The following ZKSCAN1 variants were observed in gnomAD, a reference collection of about 807,000 sequenced individuals.
ZKSCAN1 encodes the protein zinc finger with KRAB and SCAN domains 1.
ZKSCAN1 carries 14 observed loss-of-function variants against 51.6 expected under a neutral mutation model. That is an observed-to-expected ratio of 0.27 (90% CI 0.18 to 0.42). ZKSCAN1 has a LOEUF of 0.42. Ranked by LOEUF, ZKSCAN1 falls within the 10% of genes least tolerant of loss-of-function variation. The probability of loss-of-function intolerance (pLI) is 1.00; values close to 1 mark genes in which losing one functional copy is unlikely to be tolerated. For missense variants in ZKSCAN1, 531 were observed against 710.0 expected, an observed-to-expected ratio of 0.75 and a Z score of 2.86; for synonymous variants, 263 against 261.5, an observed-to-expected ratio of 1.01 and a Z score of -0.06.
In ZKSCAN1 at chr7:100,039,523, A is replaced by T; in HGVS notation, c.*5326A>T. On this transcript the variant is annotated 3_prime_UTR_variant, in exon 6 of 6. Transcript: ENST00000324306. ...CTTCCCCTGGTTTGTGATTATTAGG[A>T]GAGAGGTTTTGCAAAGACTCGTTGC... is the stretch of plus-strand genomic sequence containing the variant. The T allele has an allele frequency of 1.0e-6, 1 of 985,244 alleles. No homozygotes were observed. The highest frequency in any genetic ancestry group is 1.2e-6 in the Non-Finnish European group (1 of 829,878). The allele number at this position is 985,244 out of a possible 1,614,324, so 61.0% of individuals were successfully genotyped here. A position where few individuals can be genotyped will look rare whatever the true frequency, so the allele number is the denominator to read the frequency against.
intron 3 of ZKSCAN1, 63 bp downstream of exon 3, chr7:100,024,370 T>C (rs759167086): frequency 1.3e-6 from 2 of 1,565,440 alleles, no homozygotes; most frequent in East Asian, 4.5e-5. Flanking sequence ...TTTGTGCTGC[T>C]GAGTGCCTGT....
Position 100,033,626 on chromosome 7 carries a change from C to G in ZKSCAN1, c.1121C>G (p.Thr374Arg), listed in dbSNP as rs750265726. Reference sequence around the variant, plus strand: ...ACCCCTGAAGAAGTTCCCACGGGAACAAAGTCTCACAGATGTGATGAATGT... The same window carrying G: ...ACCCCTGAAGAAGTTCCCACGGGAAGAAAGTCTCACAGATGTGATGAATGT... The part of the protein sequence containing the change: ...FTTPEEVPTG[T>R]KSHRCDECGK... Residue 374 changes from threonine (T) to arginine (R), a missense_variant, in exon 6 of 6, where the codon ACA (threonine) becomes AGA (arginine). Thr to Arg is a moderately conservative substitution (Grantham distance 71). Coordinates refer to ENST00000324306, the MANE Select transcript of ZKSCAN1 (RefSeq NM_003439.4). The surrounding 1 kb of genome is among the most constrained non-coding windows in gnomAD (Gnocchi z 4.1). 2 of 1,614,214 alleles carry G rather than the reference C, an allele frequency of 1.2e-6. No homozygotes were observed. The highest frequency in any genetic ancestry group is 3.3e-5 in the Admixed American group (2 of 60,016).
Position 100,038,345 on chromosome 7 carries a change from GTTCACAGAA to G in ZKSCAN1, c.*4149_*4157del. 1.0e-5 allele frequency: 10 copies of G among 985,472 alleles called. No homozygotes were observed. The highest frequency in any genetic ancestry group is 1.2e-5 in the Non-Finnish European group (10 of 829,932). 61.0% of individuals were successfully genotyped at this position (985,472 alleles called of 1,614,324 possible). ...CAGTGTGATTGTAGACAAAAAGTCG[GTTCACAGAA>G]CGGAGCAGCGGGGAGAGGAAGGGAA... On this transcript the variant is annotated 3_prime_UTR_variant, in exon 6 of 6. Coordinates refer to ENST00000324306, the MANE Select transcript of ZKSCAN1 (RefSeq NM_003439.4).
At position 100,036,950 on chromosome 7, in the gene ZKSCAN1, A is replaced by G. The variant is rs2115965951; in HGVS notation, c.*2753A>G. 1 of 985,150 alleles carries G rather than the reference A, an allele frequency of 1.0e-6. No individual in the cohort carries two copies. Among genetic ancestry groups the G allele is most frequent in the Non-Finnish European group, 1.2e-6 (1 of 829,908 alleles). The allele number at this position is 985,150 out of a possible 1,614,324, so 61.0% of individuals were successfully genotyped here. Reference sequence around the variant, plus strand: ...GTGCCCTCACATTTAATTCCGTTTCATGGAGACATCTTCCTGACTTTGTTG... The same window carrying G: ...GTGCCCTCACATTTAATTCCGTTTCGTGGAGACATCTTCCTGACTTTGTTG... On this transcript the variant is annotated 3_prime_UTR_variant, in exon 6 of 6. Transcript: ENST00000324306.
In ZKSCAN1 at chr7:100,033,308, G is replaced by A. The variant is rs188879459; in HGVS notation, c.803G>A (p.Gly268Asp). 1 of 1,596,438 alleles carries A rather than the reference G, an allele frequency of 6.3e-7. No homozygotes were observed. ...AATTTTCTATTTATTATGTCAGGTG[G>A]TGAAAACAGGAATGAGAACGAGGAG... Reference protein sequence around the residue: ...ENYGSAFPQGGENRNENEEST... With the variant: ...ENYGSAFPQGDENRNENEEST... The change falls in exon 6 of 6, where the codon GGT becomes GAT. Residue 268 changes from glycine to aspartate, a missense_variant. Coordinates refer to ENST00000324306, the MANE Select transcript of ZKSCAN1 (RefSeq NM_003439.4). The surrounding 1 kb of genome is among the most constrained non-coding windows in gnomAD (Gnocchi z 4.1).
At chr7:100,024,074 A>T in intron 2 of ZKSCAN1, 80 bp from the exon 3 acceptor site, 1 of 1,538,030 alleles carries the variant, frequency 6.5e-7, no homozygotes, top group South Asian at 1.3e-5. Context: ...ATCCACTGGC[A>T]TACTCATGGT....
Position 100,037,610 on chromosome 7 carries a change from G to C in ZKSCAN1, c.*3413G>C. The C allele has an allele frequency of 1.0e-6, 1 of 985,440 alleles. No homozygotes were observed. Among genetic ancestry groups the C allele is most frequent in the Non-Finnish European group, 1.2e-6 (1 of 829,938 alleles). The allele number at this position is 985,440 out of a possible 1,614,324, so 61.0% of individuals were successfully genotyped here. ...GAAAGCTTATACTGTAAATAAACTT[G>C]ATGAATATTATATGTGAGGAAAACT... On this transcript the variant is annotated 3_prime_UTR_variant, in exon 6 of 6. Coordinates refer to ENST00000324306, the MANE Select transcript of ZKSCAN1 (RefSeq NM_003439.4).
At chr7:100,031,489 G>A (rs1791105046) in intron 5 of ZKSCAN1, among the ~76,000 whole-genome samples, 2 of 151,952 alleles carry the variant, frequency 1.3e-5, no homozygotes, top group South Asian at 4.2e-4. Context: ...TGTTGCCTAG[G>A]CTGGTCTCAA....
Position 100,036,923 on chromosome 7 carries a change from C to G in ZKSCAN1, c.*2726C>G. The G allele has an allele frequency of 1.0e-6, 1 of 985,070 alleles. No individual in the cohort carries two copies. The highest frequency in any genetic ancestry group is 1.7e-5 in the African/African-American group (1 of 57,238). The allele number at this position is 985,070 out of a possible 1,614,324, so 61.0% of individuals were successfully genotyped here. ...TTTTTAAATGAAGGTTAAATGTGAC[C>G]TGTGCCCTCACATTTAATTCCGTTT... On this transcript the variant is annotated 3_prime_UTR_variant, in exon 6 of 6. Coordinates refer to ENST00000324306, the MANE Select transcript of ZKSCAN1 (RefSeq NM_003439.4).
rs1409972872 is a variant in ZKSCAN1, at chr7:100,034,416, G to A, written c.*219G>A. On this transcript the variant is annotated 3_prime_UTR_variant, in exon 6 of 6. Coordinates refer to ENST00000324306, the MANE Select transcript of ZKSCAN1 (RefSeq NM_003439.4). ...CCCTGCAGGGAAAGGCTAATCTTAC[G>A]GATAATCCACGTGAGATTTCCACAC... 1.0e-5 allele frequency: 13 copies of A among 1,282,816 alleles called. No individual in the cohort carries two copies. Among genetic ancestry groups the A allele is most frequent in the South Asian group, 2.9e-5 (1 of 34,584 alleles). 79.5% of individuals were successfully genotyped at this position (1,282,816 alleles called of 1,614,324 possible).
chr7:100,028,447 A>C (rs771122989), intron 3 of ZKSCAN1, among the ~76,000 whole-genome samples: 1 of 152,168 alleles, frequency 6.6e-6, no homozygotes, highest in Non-Finnish European at 1.5e-5. Flanking sequence ...CTGGGAGGTC[A>C]AGGCTGCAGT....
chr7:100,036,986 A>G lies in ZKSCAN1; in HGVS notation c.*2789A>G. ...TTCCTGACTTTGTTGGATAGCTGCC[A>G]CTAGGGTTGCTTCGATCTTCAGCCA... On this transcript the variant is annotated 3_prime_UTR_variant, in exon 6 of 6. Transcript: ENST00000324306. The G allele has an allele frequency of 1.0e-6, 1 of 985,404 alleles. No homozygotes were observed. Among genetic ancestry groups the G allele is most frequent in the African/African-American group, 1.7e-5 (1 of 57,340 alleles). The allele number at this position is 985,404 out of a possible 1,614,324, so 61.0% of individuals were successfully genotyped here.
rs1325058654 is a variant in ZKSCAN1, at chr7:100,030,358, G to A, written c.782G>A (p.Gly261Glu). 1 of 1,613,926 alleles carries A rather than the reference G, an allele frequency of 6.2e-7. No homozygotes were observed. Among genetic ancestry groups the A allele is most frequent in the Admixed American group, 1.7e-5 (1 of 59,928 alleles). ...LSRDNRQENY[G>E]SAFPQGGENR... is the part of the protein sequence containing the mutation. ...AGGGACAACAGGCAGGAGAATTATGGGAGCGCATTTCCCCAGGGTAAGACG... is the reference window on the plus strand; with the variant it reads ...AGGGACAACAGGCAGGAGAATTATGAGAGCGCATTTCCCCAGGGTAAGACG... Residue 261 changes from glycine to glutamate, a missense_variant, in exon 5 of 6, where the codon GGG becomes GAG. By Grantham distance (98) the Gly-to-Glu change is moderately conservative. Coordinates refer to ENST00000324306, the MANE Select transcript of ZKSCAN1 (RefSeq NM_003439.4).
intron 3 of ZKSCAN1, 80 bp downstream of exon 3, chr7:100,024,387 G>A: frequency 6.5e-7 from 1 of 1,535,984 alleles, no homozygotes. Flanking sequence ...CTGTGATGAA[G>A]AAGCATGTTA....
chr7:100,034,373 A>T lies in ZKSCAN1; in HGVS notation c.*176A>T. ...CTGCCTTTATGTAGTAGTTGGGCAT[A>T]TAATCCTTCCACACAGCCCCTGCAG... On this transcript the variant is annotated 3_prime_UTR_variant, in exon 6 of 6. Transcript: ENST00000324306. 1 of 1,358,606 alleles carries T rather than the reference A, an allele frequency of 7.4e-7. No individual in the cohort carries two copies. Among genetic ancestry groups the T allele is most frequent in the South Asian group, 2.2e-5 (1 of 46,118 alleles). 84.2% of individuals were successfully genotyped at this position (1,358,606 alleles called of 1,614,324 possible).
chr7:100,037,456 G>A lies in ZKSCAN1; in HGVS notation c.*3259G>A. On this transcript the variant is annotated 3_prime_UTR_variant, in exon 6 of 6. Coordinates refer to ENST00000324306, the MANE Select transcript of ZKSCAN1 (RefSeq NM_003439.4). The stretch of plus-strand genomic sequence containing the variant: ...GCATAAAAGTGAAACTGCTAAATAT[G>A]TATAGAGAGGTTGACGTGTGATACG... 2.0e-6 allele frequency: 2 copies of A among 985,448 alleles called. No homozygotes were observed. Among genetic ancestry groups the A allele is most frequent in the Non-Finnish European group, 2.4e-6 (2 of 829,932 alleles). 61.0% of individuals were successfully genotyped at this position (985,448 alleles called of 1,614,324 possible).
At position 100,036,249 on chromosome 7, in the gene ZKSCAN1, C is replaced by G. The variant is rs928228513; in HGVS notation, c.*2052C>G. ...GAAAACGTGTTGCAAGTCAACCAGT[C>G]ACTAGGATATTTCTACCCATGCAAC... On this transcript the variant is annotated 3_prime_UTR_variant, in exon 6 of 6. Transcript: ENST00000324306. The G allele has an allele frequency of 4.1e-6, 4 of 985,286 alleles. No individual in the cohort carries two copies. In the African/African-American group the frequency reaches 5.2e-5, roughly 13 times the overall value. 61.0% of individuals were successfully genotyped at this position (985,286 alleles called of 1,614,324 possible).
intron 1 of ZKSCAN1, among the ~76,000 whole-genome samples, chr7:100,020,305 A>C (rs1389820847): frequency 1.3e-5 from 2 of 152,160 alleles, no homozygotes; most frequent in African/African-American, 4.8e-5. Flanking sequence ...AATACTGATG[A>C]GAGGGCTTTT....
chr7:100,040,611 T>C lies in ZKSCAN1; in HGVS notation c.*6414T>C, dbSNP rs1791552998. On this transcript the variant is annotated 3_prime_UTR_variant, in exon 6 of 6. Coordinates refer to ENST00000324306, the MANE Select transcript of ZKSCAN1 (RefSeq NM_003439.4). ...CAGCCACAGTTGCCCTAAATCTCCATCATTAAGTCTTCCAGCAAGGTTAAG... is the reference window on the plus strand; with the variant it reads ...CAGCCACAGTTGCCCTAAATCTCCACCATTAAGTCTTCCAGCAAGGTTAAG... 1.0e-6 allele frequency: 1 copy of C among 985,386 alleles called. No homozygotes were observed. Among genetic ancestry groups the C allele is most frequent in the South Asian group, 4.7e-5 (1 of 21,284 alleles). 61.0% of individuals were successfully genotyped at this position (985,386 alleles called of 1,614,324 possible).
Sources: gnomAD v4.1 joint callset for allele counts (sites outside exome capture counted in the v4.1 genomes callset) on GRCh38, gnomAD v4.1.1 for gene constraint, Gnocchi (gnomAD v3.1) non-coding constraint, MANE v1.5 for transcripts, NCBI Gene and HGNC (gene_info 2026-07-23, HGNC 2026-07-21) for gene names.